Variants in PRKN observed in about 807,000 individuals in gnomAD.
PRKN encodes E3 ubiquitin-protein ligase parkin.
PRKN carries 56 observed loss-of-function variants against 59.5 expected under a neutral mutation model. The ratio of observed to expected loss-of-function variants is 0.94; its 90% CI spans 0.76 to 1.18. The LOEUF (loss-of-function observed/expected upper bound fraction) is 1.18, where lower values mean the gene tolerates loss of function less well. PRKN is among the 50% of genes most tolerant of loss of function. PRKN has a pLI of 0.00. For missense variants in PRKN, 657 were observed against 596.4 expected (o/e 1.10, Z -1.06); for synonymous variants, 250 against 222.1 (o/e 1.13, Z -1.12).
At chr6:161,351,646 A>T (rs1396424564) in intron 11 of PRKN, among the ~76,000 whole-genome samples, 1 of 152,138 alleles carries the variant, frequency 6.6e-6, no homozygotes, top group African/African-American at 2.4e-5. Context: ...TTTAATAGGG[A>T]ATATGTTCCT....
At chr6:162,663,286 G>A (rs963735381) in intron 1 of PRKN, among the ~76,000 whole-genome samples, 27 of 152,072 alleles carry the variant, frequency 1.8e-4, no homozygotes, top group African/African-American at 6.5e-4. Flanking sequence ...GCAGGGAAGA[G>A]TTAATATCAA....
At chr6:161,974,561 C>T (rs1379457935) in intron 5 of PRKN, among the ~76,000 whole-genome samples, 1 of 152,158 alleles carries the variant, frequency 6.6e-6, no homozygotes, top group Non-Finnish European at 1.5e-5. Context: ...CACTCTCCTT[C>T]TGTTCACTCA....
intron 7 of PRKN, among the ~76,000 whole-genome samples, chr6:161,616,259 G>A (rs1279911577): frequency 6.6e-6 from 1 of 152,152 alleles, no homozygotes; most frequent in Non-Finnish European, 1.5e-5. Context: ...CAACACAACA[G>A]GTTTGCCTCC....
chr6:161,918,109 G>C (rs931115360), intron 6 of PRKN, among the ~76,000 whole-genome samples: 1 of 152,138 alleles, frequency 6.6e-6, no homozygotes, highest in South Asian at 2.1e-4. Context: ...AAGGTGACCC[G>C]GGAGTAGATA....
chr6:162,316,380 T>C (rs553350108), intron 2 of PRKN, among the ~76,000 whole-genome samples: 310 of 152,206 alleles, frequency 2.0e-3, no homozygotes, highest in African/African-American at 7.1e-3. Flanking sequence ...CTGCTTCAGC[T>C]GAATATCTCC....
chr6:162,614,219 C>T (rs2155507), intron 1 of PRKN, among the ~76,000 whole-genome samples: 122,971 of 152,004 alleles, frequency 0.81, 49,947 homozygotes, highest in East Asian at 0.95. Context: ...TTAAATCACC[C>T]AGTTAGTTAC....
chr6:161,624,549 C>T (rs542578024), intron 7 of PRKN, among the ~76,000 whole-genome samples: 1 of 152,242 alleles, frequency 6.6e-6, no homozygotes, highest in African/African-American at 2.4e-5. Context: ...AAGGCAACAA[C>T]AACAAAAAAA....
At chr6:162,062,834 T>C (rs1478869667) in intron 4 of PRKN, among the ~76,000 whole-genome samples, 4 of 152,214 alleles carry the variant, frequency 2.6e-5, no homozygotes, top group Non-Finnish European at 5.9e-5. Flanking sequence ...TACGTTGTTA[T>C]GTACTTGTCA....
At chr6:161,941,620 T>C (rs920286111) in intron 6 of PRKN, among the ~76,000 whole-genome samples, 1 of 152,182 alleles carries the variant, frequency 6.6e-6, no homozygotes, top group African/African-American at 2.4e-5. Context: ...TGTCTACAGA[T>C]GGCTAAACTA....
intron 2 of PRKN, among the ~76,000 whole-genome samples, chr6:162,431,682 AAAAC>A (rs1305365636): frequency 6.9e-4 from 105 of 152,358 alleles, no homozygotes; most frequent in African/African-American, 2.5e-3. Context: ...TCTTCTATTA[AAAAC>A]AAACAAAATA....
chr6:161,479,693 T>G (rs1449499127), intron 9 of PRKN, among the ~76,000 whole-genome samples: 1 of 152,184 alleles, frequency 6.6e-6, no homozygotes, highest in African/African-American at 2.4e-5. Flanking sequence ...AGGTAAGTGA[T>G]TTTACTTTTG....
chr6:162,425,072 A>G, intron 2 of PRKN, among the ~76,000 whole-genome samples: 1 of 152,104 alleles, frequency 6.6e-6, no homozygotes, highest in East Asian at 1.9e-4. Context: ...AGAAAAAAAA[A>G]AAATCTACCC....
chr6:162,565,754 G>A (rs531256427), intron 1 of PRKN, among the ~76,000 whole-genome samples: 1 of 151,216 alleles, frequency 6.6e-6, no homozygotes, highest in South Asian at 2.1e-4. Context: ...TGAATGTAAA[G>A]GGACTAAACT....
chr6:162,463,416 A>G (rs1323684302), intron 1 of PRKN, among the ~76,000 whole-genome samples: 3 of 152,138 alleles, frequency 2.0e-5, no homozygotes, highest in East Asian at 3.9e-4. Context: ...CACTACCTCT[A>G]TGCTGGACTA....
intron 3 of PRKN, among the ~76,000 whole-genome samples, chr6:162,215,763 G>A (rs1384398684): frequency 1.3e-5 from 2 of 152,040 alleles, no homozygotes; most frequent in Non-Finnish European, 2.9e-5. Context: ...AAAATGAGGG[G>A]CAGGCCGGGC....
rs1001040048 is a variant in PRKN, at chr6:161,388,821, C to G, written c.1084-1944G>C. ...GCCTCAGCCGCAACAATAGCCCTGT[C>G]TGAGCTTTTAGTAGACAGCCAGCAC... On this transcript the variant is annotated intron_variant, in intron 9 of 11. Coordinates refer to ENST00000366898, the MANE Select transcript of PRKN (RefSeq NM_004562.3). The surrounding 1 kb of genome is among the most constrained non-coding windows in gnomAD (Gnocchi z 4.3). Among the ~76,000 whole-genome samples, 1 of 152,220 alleles carries G rather than the reference C, an allele frequency of 6.6e-6. No individual in the cohort carries two copies. Among genetic ancestry groups the G allele is most frequent in the Non-Finnish European group, 1.5e-5 (1 of 68,036 alleles).
At chr6:162,029,156 C>T (rs887472049) in intron 5 of PRKN, among the ~76,000 whole-genome samples, 1 of 152,128 alleles carries the variant, frequency 6.6e-6, no homozygotes, top group African/African-American at 2.4e-5. Context: ...CAGAATCACC[C>T]AAGGAGCTCT....
intron 7 of PRKN, among the ~76,000 whole-genome samples, chr6:161,669,429 A>G (rs1362679707): frequency 6.6e-6 from 1 of 152,164 alleles, no homozygotes; most frequent in Non-Finnish European, 1.5e-5. Context: ...AGCCACAGCA[A>G]TGTTTGGCTG....
Position 161,440,866 on chromosome 6 carries a change from C to T in PRKN, c.1084-53989G>A, listed in dbSNP as rs557711680. Among the ~76,000 whole-genome samples the T allele has an allele frequency of 1.3e-5, 2 of 152,122 alleles. No homozygotes were observed. Among genetic ancestry groups the T allele is most frequent in the Admixed American group, 6.5e-5 (1 of 15,280 alleles). ...TAAAGACCAGCATCTCTCCAGAATA[C>T]AAATAAGAGTCTAATGTGATAAGAG... On this transcript the variant is annotated intron_variant, in intron 9 of 11. Coordinates refer to ENST00000366898, the MANE Select transcript of PRKN (RefSeq NM_004562.3). This position sits in a 1 kb window ranked among gnomAD's most constrained non-coding sequence, Gnocchi z 4.1.
Sources: allele counts gnomAD v4.1 joint callset (sites outside exome capture counted in the v4.1 genomes callset), GRCh38; gene constraint gnomAD v4.1.1; non-coding constraint Gnocchi (gnomAD v3.1); transcripts MANE v1.5; gene names NCBI Gene and HGNC (gene_info 2026-07-23, HGNC 2026-07-21).